FRZB: variants seen among roughly 807,000 people sequenced by gnomAD.
FRZB encodes frizzled related protein, also known as secreted frizzled-related protein 3.
In FRZB, 34 loss-of-function variants were observed where a neutral mutation model predicts 32.5. The ratio of observed to expected loss-of-function variants is 1.05; its 90% CI spans 0.80 to 1.39. FRZB has a LOEUF of 1.39. Ranked by LOEUF, FRZB falls within the 40% of genes most tolerant of loss-of-function variation. The pLI, the probability that FRZB is intolerant of heterozygous loss-of-function variation, is 0.00. For synonymous variants in FRZB, 170 were observed against 159.2 expected, an observed-to-expected ratio of 1.07 and a Z score of -0.51; for missense variants, 423 against 424.8, an observed-to-expected ratio of 1.00 and a Z score of 0.04.
chr2:182,856,519 G>C (rs1382029621), intron 2 of FRZB, among the ~76,000 whole-genome samples: 2 of 151,782 alleles, frequency 1.3e-5, no homozygotes, highest in South Asian at 4.1e-4. Flanking sequence ...CCAATCAAAA[G>C]ACAAAGATCA....
At chr2:182,851,979 T>C (rs933078221) in intron 2 of FRZB, among the ~76,000 whole-genome samples, 2 of 152,162 alleles carry the variant, frequency 1.3e-5, no homozygotes, top group Admixed American at 1.3e-4. Context: ...GAAAGAGAAC[T>C]GGTCAAAAGT....
chr2:182,853,022 T>C (rs1467074467), intron 2 of FRZB, among the ~76,000 whole-genome samples: 1 of 152,058 alleles, frequency 6.6e-6, no homozygotes, highest in Non-Finnish European at 1.5e-5. Context: ...TCCTGTTTTA[T>C]CATGATCAAC....
rs139874175 is a variant in FRZB at position 182,834,882 on chromosome 2, G to A, written c.945C>T (p.Gly315=). Residue 315 remains glycine, a synonymous_variant, in exon 6 of 6, where the codon GGC becomes GGT. Transcript: ENST00000295113. ...GTGCTTGCCGGGGGTTCGAGTTCCT[G>A]CCAGACTTCTGACTCTGAGTGGAAT... is the stretch of plus-strand genomic sequence containing the variant. ...NSDSTQSQKS[G]RNSNPRQARN 25 of 1,613,464 alleles carry A rather than the reference G, an allele frequency of 1.5e-5. No homozygotes were observed. The African/African-American group carries it at 2.0e-4, about 13-fold the overall frequency.
In FRZB at chr2:182,833,815, A is replaced by G; in HGVS notation, c.*1034T>C. 6.6e-6 allele frequency: 1 copy of G among 152,156 alleles called. No individual in the cohort carries two copies. The highest frequency in any genetic ancestry group is 1.9e-4 in the East Asian group (1 of 5,180). 9.4% of individuals were successfully genotyped at this position (152,156 alleles called of 1,614,324 possible). A position where few individuals can be genotyped will look rare whatever the true frequency, so the allele number is the denominator to read the frequency against. On this transcript the variant is annotated 3_prime_UTR_variant, in exon 6 of 6. Transcript: ENST00000295113. ...CTTGGGTGTGAGTGCAAGGACACAC[A>G]TGTACACAAATACAGACACACACAC...
At chr2:182,845,044 C>T (rs957762752) in intron 2 of FRZB, among the ~76,000 whole-genome samples, 1 of 152,068 alleles carries the variant, frequency 6.6e-6, no homozygotes, top group Non-Finnish European at 1.5e-5. Context: ...GAGTTTATAT[C>T]CACAAAGCTC....
chr2:182,854,411 T>C (rs1044901910), intron 2 of FRZB, among the ~76,000 whole-genome samples: 2 of 152,148 alleles, frequency 1.3e-5, no homozygotes, highest in South Asian at 2.1e-4. Context: ...ACAGGAAGAC[T>C]GGGGGGAGAA....
chr2:182,842,568 G>T, intron 2 of FRZB, 25 bp from the exon 3 acceptor site: 1 of 1,572,260 alleles, frequency 6.4e-7, no homozygotes, highest in Non-Finnish European at 8.7e-7. Context: ...TTAGTTATAA[G>T]CACATTTCCA....
intron 2 of FRZB, among the ~76,000 whole-genome samples, chr2:182,855,264 A>T (rs1324638595): frequency 6.6e-6 from 1 of 152,254 alleles, no homozygotes; most frequent in Non-Finnish European, 1.5e-5. Flanking sequence ...CAAAATGTCC[A>T]GGATTCAACC....
intron 3 of FRZB, among the ~76,000 whole-genome samples, chr2:182,839,285 C>T (rs572986829): frequency 2.0e-5 from 3 of 151,904 alleles, no homozygotes; most frequent in South Asian, 4.2e-4. Context: ...CTTCTTTGTT[C>T]GGATATTAGG....
intron 3 of FRZB, among the ~76,000 whole-genome samples, chr2:182,839,377 G>C (rs958052279): frequency 2.0e-5 from 3 of 151,798 alleles, no homozygotes; most frequent in Non-Finnish European, 4.4e-5. Context: ...GAATAAAAAT[G>C]GTCACCACTA....
rs1695497568 is a variant in FRZB, at chr2:182,834,156, C to A, written c.*693G>T. ...ATGTATTGCCAAAAGAAGAATGCTA[C>A]CATTAACACCCCAGCGGCTACTGGT... On this transcript the variant is annotated 3_prime_UTR_variant, in exon 6 of 6. Coordinates refer to ENST00000295113, the MANE Select transcript of FRZB (RefSeq NM_001463.4). 6.6e-6 allele frequency: 1 copy of A among 152,172 alleles called. No individual in the cohort carries two copies. The highest frequency in any genetic ancestry group is 2.4e-5 in the African/African-American group (1 of 41,440). The allele number at this position is 152,172 out of a possible 1,614,324, so 9.4% of individuals were successfully genotyped here. A position where few individuals can be genotyped will look rare whatever the true frequency, so the allele number is the denominator to read the frequency against.
intron 3 of FRZB, among the ~76,000 whole-genome samples, chr2:182,840,912 G>A (rs1695579438): frequency 6.6e-6 from 1 of 151,934 alleles, no homozygotes. Flanking sequence ...CTTGATAATA[G>A]GATACATAAA....
intron 1 of FRZB, among the ~76,000 whole-genome samples, chr2:182,860,687 C>T (rs995095374): frequency 6.6e-6 from 1 of 151,872 alleles, no homozygotes; most frequent in Non-Finnish European, 1.5e-5. Context: ...GCCAACATGG[C>T]GAAAACCCAT....
At position 182,840,078 on chromosome 2, in the gene FRZB, G is replaced by A. The variant is rs201316477; in HGVS notation, c.593-1465C>T. Reference sequence around the variant, plus strand: ...TAAAAGCTTCACATTTCAGTCTTCCGAGAATTAGTTGCCTCAAGTATGAGA... The same window carrying A: ...TAAAAGCTTCACATTTCAGTCTTCCAAGAATTAGTTGCCTCAAGTATGAGA... On this transcript the variant is annotated intron_variant, in intron 3 of 5. Coordinates refer to ENST00000295113, the MANE Select transcript of FRZB (RefSeq NM_001463.4). Among the ~76,000 whole-genome samples the A allele has an allele frequency of 3.3e-5, 5 of 152,160 alleles. No individual in the cohort carries two copies. The East Asian group carries it at 7.8e-4, about 24-fold the overall frequency.
At chr2:182,856,371 T>TGAGA (rs904411326) in intron 2 of FRZB, among the ~76,000 whole-genome samples, 1 of 150,976 alleles carries the variant, frequency 6.6e-6, no homozygotes, top group Admixed American at 6.6e-5. Context: ...TGTGTGTGTG[T>TGAGA]GAGAGAGAGA....
intron 5 of FRZB, among the ~76,000 whole-genome samples, chr2:182,836,495 C>G (rs1173325165): frequency 6.6e-6 from 1 of 151,998 alleles, no homozygotes; most frequent in Non-Finnish European, 1.5e-5. Flanking sequence ...AATAATAACT[C>G]TGCAAGTCCC....
At position 182,834,562 on chromosome 2, in the gene FRZB, C is replaced by G; in HGVS notation, c.*287G>C. ...GACTCCAGCAAAGAGGCTCTGGTAACAGCATGTTTAATTTATTATTATTGC... is the reference window on the plus strand; with the variant it reads ...GACTCCAGCAAAGAGGCTCTGGTAAGAGCATGTTTAATTTATTATTATTGC... On this transcript the variant is annotated 3_prime_UTR_variant, in exon 6 of 6. Coordinates refer to ENST00000295113, the MANE Select transcript of FRZB (RefSeq NM_001463.4). 1 of 381,298 alleles carries G rather than the reference C, an allele frequency of 2.6e-6. No individual in the cohort carries two copies. The allele number at this position is 381,298 out of a possible 1,614,324, so 23.6% of individuals were successfully genotyped here.
intron 2 of FRZB, among the ~76,000 whole-genome samples, chr2:182,847,563 A>G (rs1054953460): frequency 2.6e-5 from 4 of 152,216 alleles, no homozygotes; most frequent in African/African-American, 9.7e-5. Context: ...AAGCTAGAAG[A>G]CTTTATCCAC....
chr2:182,860,159 C>G (rs1205220521), intron 1 of FRZB, among the ~76,000 whole-genome samples: 2 of 152,132 alleles, frequency 1.3e-5, no homozygotes, highest in Non-Finnish European at 2.9e-5. Flanking sequence ...TTTACTTCTT[C>G]CATTCTTATT....
Sources: allele counts gnomAD v4.1 joint callset (sites outside exome capture counted in the v4.1 genomes callset), GRCh38; gene constraint gnomAD v4.1.1; transcripts MANE v1.5; gene names NCBI Gene and HGNC (gene_info 2026-07-23, HGNC 2026-07-21).